Variants in DRAXIN observed in about 807,000 individuals in gnomAD.
The protein encoded by DRAXIN is dorsal inhibitory axon guidance protein, also known as dorsal repulsive axon guidance protein.
Under a neutral mutation model 33.9 loss-of-function variants are expected in DRAXIN, and 27 were observed. The observed-to-expected ratio is 0.80, with a 90% CI of 0.59 to 1.10. The LOEUF (loss-of-function observed/expected upper bound fraction) is 1.10, where lower values mean the gene tolerates loss of function less well. Among genes scored for constraint, DRAXIN ranks in the 50% least tolerant of loss-of-function variants. DRAXIN has a pLI of 0.00. For synonymous variants in DRAXIN, 178 were observed against 194.0 expected (o/e 0.92, Z 0.69); for missense variants, 371 against 460.8 (o/e 0.81, Z 1.78).
Position 11,705,779 on chromosome 1 carries a change from G to A in DRAXIN, c.-10-470G>A, listed in dbSNP as rs1042080402. On this transcript the variant is annotated intron_variant, in intron 1 of 6. Transcript: ENST00000294485. This position sits in a 1 kb window ranked among gnomAD's most constrained non-coding sequence, Gnocchi z 4.8. ...TCCTGCCTACAGCGTGCGCTCAAAC[G>A]CTATTATTCCATTTGTATGGAATTA... Among the ~76,000 whole-genome samples the A allele has an allele frequency of 3.9e-5, 6 of 152,242 alleles. No homozygotes were observed. The South Asian group carries it at 1.0e-3, about 26-fold the overall frequency.
chr1:11,715,417 A>G (rs1641562152), intron 6 of DRAXIN, among the ~76,000 whole-genome samples: 1 of 152,212 alleles, frequency 6.6e-6, no homozygotes, highest in South Asian at 2.1e-4. Context: ...CCAATCTGTG[A>G]ACTCATTTAG....
rs1281939087 is a variant in DRAXIN at position 11,723,977 on chromosome 1, G to A, written c.*4281G>A. ...AGTGTTAGCTAATTTGTTATTCTAG[G>A]AGAATTTTAGATGTCGGTTCTTTGA... On this transcript the variant is annotated 3_prime_UTR_variant, in exon 7 of 7. Coordinates refer to ENST00000294485, the MANE Select transcript of DRAXIN (RefSeq NM_198545.4). The A allele has an allele frequency of 6.6e-6, 1 of 152,152 alleles. No individual in the cohort carries two copies. The highest frequency in any genetic ancestry group is 2.4e-5 in the African/African-American group (1 of 41,418). 9.4% of individuals were successfully genotyped at this position (152,152 alleles called of 1,614,324 possible). A position where few individuals can be genotyped will look rare whatever the true frequency, so the allele number is the denominator to read the frequency against.
At chr1:11,697,143 A>G (rs72869769) in intron 1 of DRAXIN, among the ~76,000 whole-genome samples, 159 of 152,088 alleles carry the variant, frequency 1.0e-3, no homozygotes, top group African/African-American at 3.7e-3. Flanking sequence ...AAACTTGCCC[A>G]GGTTGTCTAG....
intron 3 of DRAXIN, among the ~76,000 whole-genome samples, chr1:11,710,437 G>A (rs1372159268): frequency 1.1e-4 from 16 of 152,074 alleles, no homozygotes; most frequent in Non-Finnish European, 1.9e-4. Flanking sequence ...CAGGGCTGCA[G>A]TGAGCCATGA....
intron 5 of DRAXIN, 108 bp from the exon 6 acceptor site, chr1:11,715,011 G>A (rs1012305134): frequency 3.8e-5 from 51 of 1,336,804 alleles, no homozygotes; most frequent in Non-Finnish European, 4.8e-5. Context: ...CCGCCAGGGC[G>A]CGGCCTGCCA....
chr1:11,707,304 A>G (rs1641399294), intron 2 of DRAXIN, among the ~76,000 whole-genome samples: 1 of 152,262 alleles, frequency 6.6e-6, no homozygotes, highest in South Asian at 2.1e-4. Flanking sequence ...AGTTCTGAGT[A>G]GAAATGGAAC....
intron 1 of DRAXIN, among the ~76,000 whole-genome samples, chr1:11,700,236 A>G (rs1641251462): frequency 1.3e-5 from 2 of 152,378 alleles, no homozygotes; most frequent in South Asian, 4.1e-4. Flanking sequence ...TTTCAAAATA[A>G]ATAAATAAAT....
chr1:11,701,747 A>C (rs1347534405), intron 1 of DRAXIN, among the ~76,000 whole-genome samples: 1 of 152,074 alleles, frequency 6.6e-6, no homozygotes, highest in Non-Finnish European at 1.5e-5. Context: ...GGGGAGGCGG[A>C]GGGGGCTGCC....
chr1:11,696,200 C>A lies in DRAXIN; in HGVS notation c.-11+4347C>A, dbSNP rs959474384. ...CCAGGAAACTCCCTGGCCCCCACCA[C>A]ACCCATGCCTGCCACCTTACTCCCT... On this transcript the variant is annotated intron_variant, in intron 1 of 6. Coordinates refer to ENST00000294485, the MANE Select transcript of DRAXIN (RefSeq NM_198545.4). This position sits in a 1 kb window ranked among gnomAD's most constrained non-coding sequence, Gnocchi z 4.7. Among the ~76,000 whole-genome samples the A allele has an allele frequency of 6.6e-6, 1 of 152,224 alleles. No homozygotes were observed.
Position 11,706,035 on chromosome 1 carries a change from G to A in DRAXIN, c.-10-214G>A, listed in dbSNP as rs1391959431. Among the ~76,000 whole-genome samples the A allele has an allele frequency of 1.3e-5, 2 of 152,116 alleles. No individual in the cohort carries two copies. Among genetic ancestry groups the A allele is most frequent in the African/African-American group, 4.8e-5 (2 of 41,408 alleles). On this transcript the variant is annotated intron_variant, in intron 1 of 6. Transcript: ENST00000294485. The surrounding 1 kb of genome is among the most constrained non-coding windows in gnomAD (Gnocchi z 5.5). ...TTCGGGGGCTGTCCTGTGCATTGTC[G>A]GGCGTTTAGCAGCATCCACGGGCTC...
chr1:11,714,277 G>A (rs116826877), intron 5 of DRAXIN, among the ~76,000 whole-genome samples: 2,184 of 152,310 alleles, frequency 0.014, 58 homozygotes, highest in African/African-American at 0.047. Flanking sequence ...TGTGAATGAC[G>A]AAAGGTGGAG....
chr1:11,719,469 G>A (rs1557694625), intron 6 of DRAXIN, 115 bp from the exon 7 acceptor site: 3 of 882,456 alleles, frequency 3.4e-6, no homozygotes, highest in Non-Finnish European at 5.3e-6. Context: ...AAGCTGGGTT[G>A]TAGGGCAGAA....
rs976166365 is a variant in DRAXIN at position 11,704,242 on chromosome 1, T to A, written c.-10-2007T>A. On this transcript the variant is annotated intron_variant, in intron 1 of 6. Coordinates refer to ENST00000294485, the MANE Select transcript of DRAXIN (RefSeq NM_198545.4). The surrounding 1 kb of genome is among the most constrained non-coding windows in gnomAD (Gnocchi z 4.6). ...CGCTCTTCGGGCTTCTCCCAGGCTGTCATGTCCCTGCAGGACAGAAAGGCA... is the reference window on the plus strand; with the variant it reads ...CGCTCTTCGGGCTTCTCCCAGGCTGACATGTCCCTGCAGGACAGAAAGGCA... Among the ~76,000 whole-genome samples, 25 of 152,198 alleles carry A rather than the reference T, an allele frequency of 1.6e-4. No homozygotes were observed. The highest frequency in any genetic ancestry group is 1.4e-3 in the Admixed American group (21 of 15,288).
At chr1:11,703,391 C>T (rs1641328490) in intron 1 of DRAXIN, among the ~76,000 whole-genome samples, 1 of 151,986 alleles carries the variant, frequency 6.6e-6, no homozygotes, top group Non-Finnish European at 1.5e-5. Flanking sequence ...AGGTTCCATG[C>T]AGAGGGGACA....
chr1:11,719,949 T>C lies in DRAXIN; in HGVS notation c.*253T>C, dbSNP rs1368386344. The stretch of plus-strand genomic sequence containing the variant: ...ATCCCGCGTGTCTTGCTCTCCGCGA[T>C]GGCAATGCCGAGAGTGCCCTCTACT... On this transcript the variant is annotated 3_prime_UTR_variant, in exon 7 of 7. Transcript: ENST00000294485. 2.7e-5 allele frequency: 13 copies of C among 478,604 alleles called. No individual in the cohort carries two copies. In the East Asian group the frequency reaches 4.5e-4, roughly 17 times the overall value. 29.6% of individuals were successfully genotyped at this position (478,604 alleles called of 1,614,324 possible).
rs12059684 is a variant in DRAXIN, at chr1:11,710,240, C to T, written c.642+775C>T. ...GGCACGTTGGCTCAAGCCTGTAATTCTAACACCTTAGAAGGCCAAGGCACG... is the reference window on the plus strand; with the variant it reads ...GGCACGTTGGCTCAAGCCTGTAATTTTAACACCTTAGAAGGCCAAGGCACG... On this transcript the variant is annotated intron_variant, in intron 3 of 6. Transcript: ENST00000294485. 5.3e-3 allele frequency among the ~76,000 whole-genome samples: 793 copies of T among 150,928 alleles called. 8 individuals are homozygous for T. Among genetic ancestry groups the T allele is most frequent in the African/African-American group, 0.018 (746 of 41,068 alleles).
chr1:11,713,463 T>C (rs1641528976), intron 5 of DRAXIN, among the ~76,000 whole-genome samples: 1 of 152,180 alleles, frequency 6.6e-6, no homozygotes, highest in Non-Finnish European at 1.5e-5. Flanking sequence ...TTTGGTGACA[T>C]CCTCACTGTT....
At position 11,696,315 on chromosome 1, in the gene DRAXIN, C is replaced by T. The variant is rs112829329; in HGVS notation, c.-11+4462C>T. Among the ~76,000 whole-genome samples the T allele has an allele frequency of 1.7e-3, 264 of 152,322 alleles. 3 individuals are homozygous for T. Among genetic ancestry groups the T allele is most frequent in the African/African-American group, 5.6e-3 (234 of 41,576 alleles). ...TAAACATTTACTCCCCAGCCGGGTG[C>T]GGTGGCTCACGCCTGTAATCCCAGC... On this transcript the variant is annotated intron_variant, in intron 1 of 6. Coordinates refer to ENST00000294485, the MANE Select transcript of DRAXIN (RefSeq NM_198545.4). This position sits in a 1 kb window ranked among gnomAD's most constrained non-coding sequence, Gnocchi z 4.7.
At chr1:11,690,829 G>A (rs191603499), upstream of DRAXIN, among the ~76,000 whole-genome samples, 1 of 152,264 alleles carries the variant, frequency 6.6e-6, no homozygotes, top group African/African-American at 2.4e-5. The surrounding 1 kb of genome is among the most constrained non-coding windows in gnomAD (Gnocchi z 4.2). Flanking sequence ...GCGCGGTGAT[G>A]GATGAGCCGG....
Sources: allele counts gnomAD v4.1 joint callset (sites outside exome capture counted in the v4.1 genomes callset), GRCh38; gene constraint gnomAD v4.1.1; non-coding constraint Gnocchi (gnomAD v3.1); transcripts MANE v1.5; gene names NCBI Gene and HGNC (gene_info 2026-07-23, HGNC 2026-07-21).